TFB1M: variants seen among roughly 807,000 people sequenced by gnomAD.
The protein encoded by TFB1M is transcription factor B1, mitochondrial.
TFB1M carries 27 observed loss-of-function variants against 31.1 expected under a neutral mutation model. The observed-to-expected ratio is 0.87, with a 90% confidence interval of 0.64 to 1.20. The LOEUF (loss-of-function observed/expected upper bound fraction) is 1.20. TFB1M is among the 50% of genes most tolerant of loss of function. TFB1M has a pLI of 0.00. For missense variants in TFB1M, 394 were observed against 418.7 expected (o/e 0.94, Z 0.51); for synonymous variants, 166 against 151.8 (o/e 1.09, Z -0.69).
intron 4 of TFB1M, among the ~76,000 whole-genome samples, chr6:155,288,974 T>C (rs1776784444): frequency 6.6e-6 from 1 of 152,154 alleles, no homozygotes; most frequent in Non-Finnish European, 1.5e-5. Flanking sequence ...AATTTTTCTT[T>C]AAAAGGAAAC....
chr6:155,285,433 G>A lies in TFB1M; in HGVS notation c.547-156C>T, dbSNP rs551983050. Among the ~76,000 whole-genome samples, 9 of 152,242 alleles carry A rather than the reference G, an allele frequency of 5.9e-5. No individual in the cohort carries two copies. The East Asian group carries it at 1.7e-3, about 29-fold the overall frequency. On this transcript the variant is annotated intron_variant, in intron 4 of 6. Transcript: ENST00000367166. Reference sequence around the variant, plus strand: ...TGACACATGACACACAGCAAACATGGGGAATATTTTCCTCCAACATCAACT... The same window carrying A: ...TGACACATGACACACAGCAAACATGAGGAATATTTTCCTCCAACATCAACT...
At chr6:155,268,411 T>C (rs1784760073) in intron 5 of TFB1M, among the ~76,000 whole-genome samples, 1 of 152,220 alleles carries the variant, frequency 6.6e-6, no homozygotes, top group Non-Finnish European at 1.5e-5. Flanking sequence ...CTCATAAGCC[T>C]GTTACTGTGA....
chr6:155,294,397 G>C (rs536790194), intron 4 of TFB1M, among the ~76,000 whole-genome samples: 5 of 152,268 alleles, frequency 3.3e-5, no homozygotes, highest in Non-Finnish European at 7.4e-5. Flanking sequence ...CAATAGAGTA[G>C]AAGAAATGCT....
intron 5 of TFB1M, among the ~76,000 whole-genome samples, chr6:155,269,073 A>T (rs1480272474): frequency 6.6e-6 from 1 of 151,018 alleles, no homozygotes; most frequent in African/African-American, 2.4e-5. Context: ...TGCAGGACTG[A>T]GAAGTAAATG....
At chr6:155,313,560 T>C (rs549526197) in intron 1 of TFB1M, among the ~76,000 whole-genome samples, 2 of 152,340 alleles carry the variant, frequency 1.3e-5, no homozygotes, top group Non-Finnish European at 2.9e-5. Context: ...ATGGTGATGG[T>C]GGTTAAACCA....
intron 1 of TFB1M, chr6:155,314,038 C>G: frequency 1.5e-6 from 2 of 1,327,932 alleles, no homozygotes; most frequent in Non-Finnish European, 2.0e-6. Flanking sequence ...CCTTCCTCCC[C>G]TAGGGAGCTT....
chr6:155,301,500 G>A (rs1582871026), intron 2 of TFB1M, among the ~76,000 whole-genome samples: 3 of 152,250 alleles, frequency 2.0e-5, no homozygotes, highest in African/African-American at 7.2e-5. Flanking sequence ...ATGCATTCGA[G>A]AATAACAATG....
At chr6:155,305,949 T>G (rs577355466) in intron 2 of TFB1M, among the ~76,000 whole-genome samples, 57 of 151,156 alleles carry the variant, frequency 3.8e-4, no homozygotes, top group Admixed American at 4.6e-4. Context: ...TGAGAAAACA[T>G]TTGTAAAATC....
In TFB1M at chr6:155,305,504, AT is replaced by A. The variant is rs1444500436; in HGVS notation, c.285+5683del. On this transcript the variant is annotated intron_variant, in intron 2 of 6. Transcript: ENST00000367166. ...AATTATATATATAAATATATATTAAATTATATATTTATATATATATTAAATT... is the reference window on the plus strand; with the variant it reads ...AATTATATATATAAATATATATTAAATATATATTTATATATATATTAAATT... Among the ~76,000 whole-genome samples the A allele has an allele frequency of 9.9e-5, 4 of 40,480 alleles. 1 individual carries two copies. Among genetic ancestry groups the A allele is most frequent in the Admixed American group, 5.1e-4 (1 of 1,978 alleles). The allele number at this position is 40,480 out of a possible 152,430, so 26.6% of individuals were successfully genotyped here.
chr6:155,312,825 T>C (rs1778073514), intron 1 of TFB1M, among the ~76,000 whole-genome samples: 1 of 152,060 alleles, frequency 6.6e-6, no homozygotes, highest in Non-Finnish European at 1.5e-5. Context: ...ACTTCTGCCC[T>C]GAGAATGGTG....
chr6:155,276,545 A>C, intron 5 of TFB1M: 1 of 622,260 alleles, frequency 1.6e-6, no homozygotes, highest in Non-Finnish European at 2.8e-6. Flanking sequence ...ATCATATACA[A>C]TTACATCTGT....
At chr6:155,285,867 T>C (rs1246121893) in intron 4 of TFB1M, among the ~76,000 whole-genome samples, 2 of 152,202 alleles carry the variant, frequency 1.3e-5, no homozygotes, top group African/African-American at 4.8e-5. Flanking sequence ...AATTAATTCA[T>C]AAATGCAATG....
chr6:155,266,850 A>T (rs1411223068), intron 5 of TFB1M, among the ~76,000 whole-genome samples: 1 of 31,882 alleles, frequency 3.1e-5, no homozygotes, highest in Non-Finnish European at 6.5e-5. Flanking sequence ...CCGTCTCAAA[A>T]AAAAAAAAAA....
chr6:155,314,079 C>T (rs1002987481), intron 1 of TFB1M: 11 of 1,416,208 alleles, frequency 7.8e-6, no homozygotes, highest in African/African-American at 5.7e-5. Flanking sequence ...GCAGGCTACA[C>T]CCCCCCGAAC....
chr6:155,244,457 G>C, the TFB1M span, among the ~76,000 whole-genome samples: 2 of 152,204 alleles, frequency 1.3e-5, no homozygotes, highest in South Asian at 2.1e-4. Flanking sequence ...TAGTAATAGA[G>C]AATTATGGGG....
chr6:155,252,001 T>C (rs775975289), downstream of TFB1M: 6 of 1,603,770 alleles, frequency 3.7e-6, no homozygotes, highest in South Asian at 5.6e-5. Context: ...GAAAAAGAAA[T>C]TGGTAAGGCA....
At chr6:155,286,603 GTGTGTATATATA>G (rs1411446861) in intron 4 of TFB1M, among the ~76,000 whole-genome samples, 1,616 of 140,578 alleles carry the variant, frequency 0.011, 33 homozygotes, top group African/African-American at 0.038. Context: ...GTGTATATAT[GTGTGTATATATA>G]TGTGTATATA....
chr6:155,297,924 A>G (rs1265584510), intron 3 of TFB1M, among the ~76,000 whole-genome samples: 1 of 152,192 alleles, frequency 6.6e-6, no homozygotes, highest in Non-Finnish European at 1.5e-5. Context: ...GGCCAGAGAC[A>G]TGGGGGCAGC....
At chr6:155,237,541 C>T in the TFB1M span, among the ~76,000 whole-genome samples, 24 of 152,370 alleles carry the variant, frequency 1.6e-4, 1 homozygote, top group African/African-American at 5.3e-4. Context: ...TGGAGGTTCT[C>T]CATGAGAGCC....
Sources: gnomAD v4.1 joint callset for allele counts (sites outside exome capture counted in the v4.1 genomes callset) on GRCh38, gnomAD v4.1.1 for gene constraint, MANE v1.5 for transcripts, NCBI Gene and HGNC (gene_info 2026-07-23, HGNC 2026-07-21) for gene names.